The following MYO1E variants were observed in gnomAD, a reference collection of about 807,000 sequenced individuals.
MYO1E encodes the protein myosin IE, also known as unconventional myosin-Ie.
MYO1E carries 68 observed loss-of-function variants against 151.1 expected under a neutral mutation model. The observed-to-expected ratio is 0.45, with a 90% confidence interval of 0.37 to 0.55. The LOEUF is 0.55. MYO1E is among the 20% of genes least tolerant of loss of function. The probability of loss-of-function intolerance (pLI) is 0.00; values close to 1 mark genes in which losing one functional copy is unlikely to be tolerated. For synonymous variants in MYO1E, 601 were observed against 501.7 expected, an observed-to-expected ratio of 1.20 and a Z score of -2.64; for missense variants, 1,363 against 1,389.3, an observed-to-expected ratio of 0.98 and a Z score of 0.30.
At position 59,188,148 on chromosome 15, in the gene MYO1E, T is replaced by C. The variant is rs1433972657; in HGVS notation, c.1874A>G (p.Tyr625Cys). The C allele has an allele frequency of 9.9e-6, 16 of 1,614,040 alleles. No homozygotes were observed. Among genetic ancestry groups the C allele is most frequent in the Non-Finnish European group, 1.4e-5 (16 of 1,180,024 alleles). Residue 625 changes from tyrosine (Y) to cysteine (C), a missense_variant, in exon 18 of 28, where the codon TAT (tyrosine) becomes TGT (cysteine). Physicochemically the swap from Tyr to Cys is radical, Grantham distance 194 (BLOSUM62 -2). Coordinates refer to ENST00000288235, the MANE Select transcript of MYO1E (RefSeq NM_004998.4). The part of the protein sequence containing the change: ...NIRVRRAGYA[Y>C]RRIFQKFLQR... ...TAGGAATTTTTGGAAGATGCGCCGA[T>C]AGGCATAGCCAGCTCTTCTCACTCG...
rs77319978 is a variant in MYO1E, at chr15:59,211,419, T to C, written c.1276-819A>G. Among the ~76,000 whole-genome samples the C allele has an allele frequency of 6.1e-3, 930 of 152,284 alleles. 13 individuals are homozygous for C. Among genetic ancestry groups the C allele is most frequent in the African/African-American group, 0.021 (893 of 41,556 alleles). ...TATGTGGTAGAGTCTCAGGGCTCAA[T>C]CTTTCAGCTTTCTCATTTTCTCAGC... On this transcript the variant is annotated intron_variant, in intron 12 of 27. Transcript: ENST00000288235.
intron 21 of MYO1E, among the ~76,000 whole-genome samples, chr15:59,172,841 C>T (rs1055995058): frequency 1.3e-5 from 2 of 152,174 alleles, no homozygotes; most frequent in East Asian, 3.8e-4. Flanking sequence ...TAATGAGTAC[C>T]GCTGCGAGAG....
chr15:59,349,253 T>A (rs1398369753), intron 1 of MYO1E, among the ~76,000 whole-genome samples: 2 of 152,238 alleles, frequency 1.3e-5, no homozygotes, highest in African/African-American at 4.8e-5. Flanking sequence ...TAGGTATATA[T>A]GCATATGCCT....
In MYO1E at chr15:59,163,235, T is replaced by G; in HGVS notation, c.2549A>C (p.Lys850Thr). 1 of 1,614,092 alleles carries G rather than the reference T, an allele frequency of 6.2e-7. No individual in the cohort carries two copies. The highest frequency in any genetic ancestry group is 8.5e-7 in the Non-Finnish European group (1 of 1,179,930). ...TGCTAAGAGGCTTAGGAATTCAGTT[T>G]TGAAGACAGATTCAAGCAAACTGTC... ...EYDSLLESVF[K>T]TEFLSLLAKR... Residue 850 changes from lysine to threonine, a missense_variant, in exon 23 of 28, where the codon AAA becomes ACA. Coordinates refer to ENST00000288235, the MANE Select transcript of MYO1E (RefSeq NM_004998.4).
At chr15:59,138,721 A>G (rs2079389119) in intron 26 of MYO1E, among the ~76,000 whole-genome samples, 1 of 152,256 alleles carries the variant, frequency 6.6e-6, no homozygotes, top group East Asian at 1.9e-4. Context: ...AAGTTTCGAA[A>G]TGGAACTTTT....
intron 27 of MYO1E, among the ~76,000 whole-genome samples, chr15:59,137,761 C>T (rs1407874059): frequency 6.6e-6 from 1 of 152,216 alleles, no homozygotes; most frequent in Non-Finnish European, 1.5e-5. Context: ...TTTCTGGGGA[C>T]AGCCCCTACC....
Position 59,281,118 on chromosome 15 carries a change from A to G in MYO1E, c.4-8669T>C, listed in dbSNP as rs1204470179. 2.4e-4 allele frequency among the ~76,000 whole-genome samples: 37 copies of G among 152,170 alleles called. 2 individuals are homozygous for G. The highest frequency in any genetic ancestry group is 2.4e-3 in the Admixed American group (36 of 15,280). ...AATTTCCTCTTCGCTTTGTAAAGAC[A>G]TGTTCAAGTTTGTATCTCTTTCAGC... On this transcript the variant is annotated intron_variant, in intron 1 of 27. Coordinates refer to ENST00000288235, the MANE Select transcript of MYO1E (RefSeq NM_004998.4).
At chr15:59,371,064 A>G (rs2080941520) in intron 1 of MYO1E, among the ~76,000 whole-genome samples, 1 of 152,216 alleles carries the variant, frequency 6.6e-6, no homozygotes, top group Admixed American at 6.6e-5. Context: ...ATGTATAGAC[A>G]AAGTGTTCTC....
chr15:59,213,445 A>AC (rs1398350342), intron 12 of MYO1E, among the ~76,000 whole-genome samples: 1 of 151,952 alleles, frequency 6.6e-6, no homozygotes, highest in Admixed American at 6.6e-5. Context: ...TGCAGGGATT[A>AC]CAGGCATGAG....
chr15:59,262,934 C>T (rs1346253841), intron 2 of MYO1E, among the ~76,000 whole-genome samples: 3 of 151,952 alleles, frequency 2.0e-5, no homozygotes, highest in Non-Finnish European at 4.4e-5. Context: ...GTTTTAGATG[C>T]TCGGGATATG....
At chr15:59,291,884 A>G (rs1321197603) in intron 1 of MYO1E, among the ~76,000 whole-genome samples, 5 of 152,126 alleles carry the variant, frequency 3.3e-5, no homozygotes, top group African/African-American at 1.2e-4. Flanking sequence ...GTTTGATCAC[A>G]GGGCAAGCAG....
In MYO1E at chr15:59,202,280, C is replaced by A. The variant is rs201392532; in HGVS notation, c.1698+46G>T. ...GGTGCAGTTCCTTACTCCTAGAAAG[C>A]GCTAGCCCTTATAAGAATCTATAAA... is the stretch of plus-strand genomic sequence containing the variant. On this transcript the variant is annotated intron_variant, in intron 16 of 27. Coordinates refer to ENST00000288235, the MANE Select transcript of MYO1E (RefSeq NM_004998.4). 6 of 1,542,936 alleles carry A rather than the reference C, an allele frequency of 3.9e-6. No individual in the cohort carries two copies. In the Admixed American group the frequency reaches 1.0e-4, roughly 26 times the overall value.
At chr15:59,196,757 T>TG (rs1213756054) in intron 16 of MYO1E, among the ~76,000 whole-genome samples, 1 of 152,168 alleles carries the variant, frequency 6.6e-6, no homozygotes, top group African/African-American at 2.4e-5. Flanking sequence ...CTGCAGAGGT[T>TG]GCATGATCAA....
intron 26 of MYO1E, among the ~76,000 whole-genome samples, chr15:59,145,814 A>G (rs1317269980): frequency 6.6e-6 from 1 of 152,208 alleles, no homozygotes; most frequent in Non-Finnish European, 1.5e-5. Context: ...TAGTAGTCAC[A>G]CTGGTAGCTT....
chr15:59,263,439 G>A (rs977909886), intron 2 of MYO1E, among the ~76,000 whole-genome samples: 22 of 152,038 alleles, frequency 1.4e-4, no homozygotes, highest in African/African-American at 4.6e-4. Context: ...TTTCAAGTGT[G>A]GCTTAACATG....
At chr15:59,241,546 C>CA (rs1274687747) in intron 4 of MYO1E, among the ~76,000 whole-genome samples, 2 of 151,800 alleles carry the variant, frequency 1.3e-5, no homozygotes, top group South Asian at 2.1e-4. Flanking sequence ...ACTAAAAACA[C>CA]AAAAAAATTA....
In MYO1E at chr15:59,133,202, A is replaced by T. The variant is rs1441546294; in HGVS notation, c.*4178T>A. The stretch of plus-strand genomic sequence containing the variant: ...TTGAGACCAGCTGGGCAACACAGGG[A>T]GACCCCATCTGTACAAATAATTAGC... On this transcript the variant is annotated 3_prime_UTR_variant, in exon 28 of 28. Transcript: ENST00000288235. 6.6e-6 allele frequency: 1 copy of T among 152,232 alleles called. No individual in the cohort carries two copies. The highest frequency in any genetic ancestry group is 2.4e-5 in the African/African-American group (1 of 41,458). The allele number at this position is 152,232 out of a possible 1,614,324, so 9.4% of individuals were successfully genotyped here.
chr15:59,361,926 T>G (rs2080887719), intron 1 of MYO1E, among the ~76,000 whole-genome samples: 1 of 152,132 alleles, frequency 6.6e-6, no homozygotes, highest in African/African-American at 2.4e-5. Flanking sequence ...AACCTCCTCC[T>G]CCTGGGTTCA....
At chr15:59,239,217 T>TAC (rs2080084659) in intron 4 of MYO1E, among the ~76,000 whole-genome samples, 3 of 97,446 alleles carry the variant, frequency 3.1e-5, no homozygotes, top group South Asian at 7.4e-4. Context: ...AAAATATATA[T>TAC]ATATATATTT....
Sources: allele counts gnomAD v4.1 joint callset (sites outside exome capture counted in the v4.1 genomes callset), GRCh38; gene constraint gnomAD v4.1.1; transcripts MANE v1.5; gene names NCBI Gene and HGNC (gene_info 2026-07-23, HGNC 2026-07-21).